Variants in PTPRD observed in about 807,000 individuals in gnomAD.
PTPRD encodes the protein protein tyrosine phosphatase receptor type D.
PTPRD carries 34 observed loss-of-function variants against 214.5 expected under a neutral mutation model. The observed-to-expected ratio is 0.16, with a 90% CI of 0.12 to 0.21. PTPRD has a LOEUF of 0.21. Among genes scored for constraint, PTPRD ranks in the 10% least tolerant of loss-of-function variants. The pLI is 1.00. For missense variants in PTPRD, 2,545 were observed against 2,398.7 expected, an observed-to-expected ratio of 1.06 and a Z score of -1.27; for synonymous variants, 1,128 against 845.7, an observed-to-expected ratio of 1.33 and a Z score of -5.79.
At chr9:9,099,193 A>G (rs1591596244) in intron 10 of PTPRD, among the ~76,000 whole-genome samples, 2 of 152,348 alleles carry the variant, frequency 1.3e-5, no homozygotes, top group East Asian at 3.9e-4. Context: ...TATTAGCAAC[A>G]GGTGATGGGA....
chr9:8,461,008 G>T (rs979544952), intron 32 of PTPRD, among the ~76,000 whole-genome samples: 1 of 151,936 alleles, frequency 6.6e-6, no homozygotes, highest in Non-Finnish European at 1.5e-5. Context: ...ATACAGTTAA[G>T]GAGACCAAAG....
At chr9:9,787,004 G>C (rs2154493452) in intron 5 of PTPRD, among the ~76,000 whole-genome samples, 1 of 152,076 alleles carries the variant, frequency 6.6e-6, no homozygotes, top group South Asian at 2.1e-4. Context: ...TTGTGTGGTG[G>C]TGTGCGCCTG....
intron 11 of PTPRD, among the ~76,000 whole-genome samples, chr9:8,936,837 G>A (rs1465398610): frequency 1.3e-5 from 2 of 152,050 alleles, no homozygotes; most frequent in East Asian, 1.9e-4. Context: ...AATTCAAAAT[G>A]GTTTCTTATA....
At chr9:9,118,330 C>A (rs570587037) in intron 10 of PTPRD, among the ~76,000 whole-genome samples, 1 of 152,116 alleles carries the variant, frequency 6.6e-6, no homozygotes, top group South Asian at 2.1e-4. Context: ...GATTCACAAG[C>A]GGAGTGAACA....
At position 9,475,535 on chromosome 9, in the gene PTPRD, T is replaced by C. The variant is rs1285416623; in HGVS notation, c.-236-78053A>G. ...GCTAGTTTCTTATGTCACTGATCCA[T>C]GGATCAATCAATGTCATCAGGACTC... On this transcript the variant is annotated intron_variant, in intron 8 of 45. Coordinates refer to ENST00000381196, the MANE Select transcript of PTPRD (RefSeq NM_002839.4). 3.9e-5 allele frequency among the ~76,000 whole-genome samples: 6 copies of C among 152,314 alleles called. No homozygotes were observed. In the South Asian group the frequency reaches 6.2e-4, roughly 16 times the overall value.
chr9:9,911,215 T>C (rs1222204284), intron 5 of PTPRD, among the ~76,000 whole-genome samples: 2 of 152,088 alleles, frequency 1.3e-5, no homozygotes, highest in Non-Finnish European at 2.9e-5. Flanking sequence ...ACAACTATTA[T>C]CCTTGTCAGG....
chr9:9,619,882 GT>G (rs2095137776), intron 7 of PTPRD, among the ~76,000 whole-genome samples: 1 of 148,416 alleles, frequency 6.7e-6, no homozygotes, highest in Admixed American at 6.8e-5. Context: ...TAATATAGAT[GT>G]TTTTATATAC....
chr9:10,205,952 T>C (rs2099473098), intron 3 of PTPRD, among the ~76,000 whole-genome samples: 1 of 151,792 alleles, frequency 6.6e-6, no homozygotes. Context: ...ACGAATCAGA[T>C]ACAGCCCTGC....
intron 10 of PTPRD, among the ~76,000 whole-genome samples, chr9:9,042,319 T>A (rs1347217252): frequency 6.6e-6 from 1 of 152,082 alleles, no homozygotes; most frequent in Non-Finnish European, 1.5e-5. Context: ...TCCGGCAAGA[T>A]CAAATAAACA....
At chr9:10,204,295 T>C (rs570202011) in intron 3 of PTPRD, among the ~76,000 whole-genome samples, 2 of 152,278 alleles carry the variant, frequency 1.3e-5, no homozygotes, top group African/African-American at 4.8e-5. Context: ...ACAACTCAGT[T>C]TTGGTCAACT....
intron 9 of PTPRD, among the ~76,000 whole-genome samples, chr9:9,364,165 T>C (rs1034950123): frequency 6.6e-6 from 1 of 151,456 alleles, no homozygotes; most frequent in Admixed American, 6.6e-5. Flanking sequence ...ATATTGAGTC[T>C]AAATTGATAG....
At chr9:9,485,210 G>T (rs983367496) in intron 8 of PTPRD, among the ~76,000 whole-genome samples, 2 of 152,022 alleles carry the variant, frequency 1.3e-5, no homozygotes, top group South Asian at 2.1e-4. Context: ...ACTATTATGG[G>T]TAAAAAAATT....
At chr9:9,279,148 C>T (rs1454113732) in intron 9 of PTPRD, among the ~76,000 whole-genome samples, 1 of 150,690 alleles carries the variant, frequency 6.6e-6, no homozygotes, top group Non-Finnish European at 1.5e-5. Context: ...GTTTCATTTT[C>T]AAATAATAGG....
At chr9:9,539,265 A>C (rs1395823687) in intron 8 of PTPRD, among the ~76,000 whole-genome samples, 1 of 151,846 alleles carries the variant, frequency 6.6e-6, no homozygotes, top group Non-Finnish European at 1.5e-5. Context: ...TAGGCCCTTA[A>C]GTGGGAATAA....
chr9:8,382,550 A>G (rs1219261508), intron 37 of PTPRD, among the ~76,000 whole-genome samples: 2 of 152,206 alleles, frequency 1.3e-5, no homozygotes, highest in African/African-American at 2.4e-5. Context: ...AAGAAGGTAG[A>G]TAATCCAGAA....
intron 3 of PTPRD, among the ~76,000 whole-genome samples, chr9:10,152,845 G>C (rs1388661431): frequency 6.6e-6 from 1 of 152,042 alleles, no homozygotes; most frequent in African/African-American, 2.4e-5. Context: ...CAAAAAGAAG[G>C]AAATTCTGAC....
At chr9:9,843,985 T>A (rs564989407) in intron 5 of PTPRD, among the ~76,000 whole-genome samples, 6 of 152,126 alleles carry the variant, frequency 3.9e-5, no homozygotes, top group African/African-American at 1.4e-4. Context: ...CATATACCTA[T>A]GTATATGTCT....
intron 5 of PTPRD, among the ~76,000 whole-genome samples, chr9:9,863,487 A>G (rs1565853773): frequency 1.3e-5 from 2 of 152,166 alleles, no homozygotes. Context: ...CCCATTGTGT[A>G]GCAACTAAAC....
chr9:10,575,145 C>G (rs531246041), intron 2 of PTPRD, among the ~76,000 whole-genome samples: 19 of 151,994 alleles, frequency 1.3e-4, no homozygotes, highest in African/African-American at 4.6e-4. Flanking sequence ...AAATAATTTT[C>G]TTCCCAATTA....
Sources: allele counts gnomAD v4.1 joint callset (sites outside exome capture counted in the v4.1 genomes callset), GRCh38; gene constraint gnomAD v4.1.1; transcripts MANE v1.5; gene names NCBI Gene and HGNC (gene_info 2026-07-23, HGNC 2026-07-21).